RPRD2: variants seen among roughly 807,000 people sequenced by gnomAD.
The protein encoded by RPRD2 is regulation of nuclear pre-mRNA domain containing 2.
A neutral mutation model predicts 104.4 loss-of-function variants in RPRD2; 12 were observed. That is an observed-to-expected ratio of 0.11 (90% CI 0.07 to 0.19). RPRD2 has a LOEUF of 0.19. RPRD2 is among the 10% of genes least tolerant of loss of function. The pLI, the probability that RPRD2 is intolerant of heterozygous loss-of-function variation, is 1.00. For missense variants in RPRD2, 1,543 were observed against 1,790.1 expected, an observed-to-expected ratio of 0.86 and a Z score of 2.49; for synonymous variants, 714 against 684.9, an observed-to-expected ratio of 1.04 and a Z score of -0.66.
intron 1 of RPRD2, among the ~76,000 whole-genome samples, chr1:150,379,952 C>T (rs1661005463): frequency 6.6e-6 from 1 of 152,342 alleles, no homozygotes; most frequent in Non-Finnish European, 1.5e-5. Context: ...TATAGAATGA[C>T]CTTTGTCAAT....
At chr1:150,378,979 T>TAAA (rs782457070) in intron 1 of RPRD2, among the ~76,000 whole-genome samples, 11 of 84,044 alleles carry the variant, frequency 1.3e-4, no homozygotes, top group Admixed American at 1.5e-4. Flanking sequence ...GAGACTTCAT[T>TAAA]AAAAAAAAAA....
intron 8 of RPRD2, 87 bp downstream of exon 8, chr1:150,457,657 G>A (rs1667628591): frequency 1.7e-6 from 2 of 1,144,542 alleles, no homozygotes; most frequent in Admixed American, 3.9e-5. Context: ...GGTATTGAAA[G>A]ATAGTTCATT....
chr1:150,398,202 T>C (rs1420722114), intron 1 of RPRD2, among the ~76,000 whole-genome samples: 1 of 146,496 alleles, frequency 6.8e-6, no homozygotes, highest in Non-Finnish European at 1.5e-5. Flanking sequence ...TTTTATTTTA[T>C]TTTATTTTTT....
chr1:150,386,696 A>G (rs1483674304), intron 1 of RPRD2, among the ~76,000 whole-genome samples: 1 of 152,154 alleles, frequency 6.6e-6, no homozygotes, highest in African/African-American at 2.4e-5. Flanking sequence ...CCTGAAAAAT[A>G]TGAGAACCAC....
intron 1 of RPRD2, among the ~76,000 whole-genome samples, chr1:150,374,569 G>C (rs1158924923): frequency 6.6e-6 from 1 of 152,184 alleles, no homozygotes; most frequent in Non-Finnish European, 1.5e-5. Flanking sequence ...CACTCAGTCT[G>C]TGGGATCTGA....
chr1:150,402,211 G>A (rs185312605), intron 1 of RPRD2, among the ~76,000 whole-genome samples: 2 of 152,226 alleles, frequency 1.3e-5, no homozygotes, highest in African/African-American at 2.4e-5. Flanking sequence ...ACTGGCCTCG[G>A]CCTCTGAAAG....
chr1:150,428,879 A>G (rs587646858), intron 2 of RPRD2, among the ~76,000 whole-genome samples: 297 of 152,202 alleles, frequency 2.0e-3, no homozygotes, highest in Non-Finnish European at 3.2e-3. Context: ...CCTTCCTGTT[A>G]TAAGAGTAAG....
Position 150,475,102 on chromosome 1 carries a change from G to A in RPRD2, c.*1768G>A, listed in dbSNP as rs587640155. On this transcript the variant is annotated 3_prime_UTR_variant, in exon 11 of 11. Transcript: ENST00000369068. ...TAAGCCAACTGTTCTTTCTTTCCTCGACCCTCTCTGCCCTGTAGCTCTCCC... is the reference window on the plus strand; with the variant it reads ...TAAGCCAACTGTTCTTTCTTTCCTCAACCCTCTCTGCCCTGTAGCTCTCCC... 8.5e-5 allele frequency: 13 copies of A among 152,100 alleles called. No homozygotes were observed. Among genetic ancestry groups the A allele is most frequent in the African/African-American group, 1.9e-4 (8 of 41,480 alleles). 9.4% of individuals were successfully genotyped at this position (152,100 alleles called of 1,614,324 possible).
At chr1:150,384,440 G>GCATCATCATCAT (rs57772151) in intron 1 of RPRD2, among the ~76,000 whole-genome samples, 1 of 114,478 alleles carries the variant, frequency 8.7e-6, no homozygotes, top group African/African-American at 3.1e-5. Flanking sequence ...GGAATAAAAG[G>GCATCATCATCAT]CATCATCATC....
In RPRD2 at chr1:150,464,654, G is replaced by A. The variant is rs1553899535; in HGVS notation, c.1539G>A (p.Lys513=). ...SHNPLANILS[K]VEITPESILS... ...ACCCTCTGGCAAATATCCTCTCCAA[G>A]GTGGAGATCACCCCAGAGAGCATTC... The change falls in exon 10 of 11, where the codon AAG becomes AAA. Residue 513 remains lysine, a synonymous_variant. Coordinates refer to ENST00000369068, the MANE Select transcript of RPRD2 (RefSeq NM_015203.5). 6.2e-7 allele frequency: 1 copy of A among 1,612,894 alleles called. No homozygotes were observed. Among genetic ancestry groups the A allele is most frequent in the Admixed American group, 1.7e-5 (1 of 59,844 alleles).
At chr1:150,432,175 T>TAA (rs59749202) in intron 2 of RPRD2, among the ~76,000 whole-genome samples, 6 of 131,172 alleles carry the variant, frequency 4.6e-5, no homozygotes, top group East Asian at 2.3e-4. Flanking sequence ...CCCTAAATCT[T>TAA]AAAAAAAAAA....
At chr1:150,456,522 T>A (rs1667534542) in intron 7 of RPRD2, among the ~76,000 whole-genome samples, 1 of 151,728 alleles carries the variant, frequency 6.6e-6, no homozygotes, top group East Asian at 1.9e-4. Flanking sequence ...AATCCTAGCA[T>A]TTTGGGAGGC....
intron 2 of RPRD2, among the ~76,000 whole-genome samples, chr1:150,419,565 A>T (rs1486909090): frequency 6.6e-6 from 1 of 152,216 alleles, no homozygotes; most frequent in Non-Finnish European, 1.5e-5. Flanking sequence ...TATTATACAA[A>T]GTGCTTTATC....
intron 2 of RPRD2, among the ~76,000 whole-genome samples, chr1:150,431,954 G>A (rs1572461796): frequency 2.0e-5 from 3 of 152,210 alleles, no homozygotes; most frequent in Admixed American, 1.3e-4. Flanking sequence ...CTGGAGAAAG[G>A]GGAGAATTGG....
At chr1:150,427,055 G>C (rs587770458) in intron 2 of RPRD2, among the ~76,000 whole-genome samples, 1 of 152,340 alleles carries the variant, frequency 6.6e-6, no homozygotes, top group African/African-American at 2.4e-5. Flanking sequence ...TGAGGCAGGA[G>C]AATCACTTGA....
chr1:150,447,895 T>C (rs1245512547), intron 7 of RPRD2, among the ~76,000 whole-genome samples: 1 of 152,186 alleles, frequency 6.6e-6, no homozygotes, highest in Non-Finnish European at 1.5e-5. Flanking sequence ...TCTTTCTTGA[T>C]TTATCCTATT....
chr1:150,420,347 A>G (rs1303215864), intron 2 of RPRD2, among the ~76,000 whole-genome samples: 1 of 152,204 alleles, frequency 6.6e-6, no homozygotes, highest in Non-Finnish European at 1.5e-5. Context: ...ATCTCGGAAT[A>G]AAGTACAGTT....
At chr1:150,417,816 A>G (rs749961772) in intron 2 of RPRD2, 91 bp downstream of exon 2, 10 of 968,848 alleles carry the variant, frequency 1.0e-5, no homozygotes, top group African/African-American at 6.6e-5. Context: ...ATAATTGAAC[A>G]TGCTTGAAGA....
chr1:150,406,875 C>T (rs1553886621), intron 1 of RPRD2, among the ~76,000 whole-genome samples: 1 of 151,932 alleles, frequency 6.6e-6, no homozygotes, highest in South Asian at 2.1e-4. Flanking sequence ...CTACCACGCC[C>T]GGCTAATTTT....
Sources: allele counts gnomAD v4.1 joint callset (sites outside exome capture counted in the v4.1 genomes callset), GRCh38; gene constraint gnomAD v4.1.1; transcripts MANE v1.5; gene names NCBI Gene and HGNC (gene_info 2026-07-23, HGNC 2026-07-21).